The following IGSF10 variants were observed in gnomAD, a reference collection of about 807,000 sequenced individuals.
IGSF10 encodes the protein calvaria mechanical force protein 608.
IGSF10 carries 126 observed loss-of-function variants against 128.2 expected under a neutral mutation model. That is an observed-to-expected ratio of 0.98 (90% CI 0.85 to 1.14). The LOEUF (loss-of-function observed/expected upper bound fraction) is 1.14, where lower values mean the gene tolerates loss of function less well. Ranked by LOEUF, IGSF10 falls within the 50% of genes most tolerant of loss-of-function variation. IGSF10 has a pLI of 0.00. For synonymous variants in IGSF10, 1,185 were observed against 1,146.2 expected (o/e 1.03, Z -0.68); for missense variants, 3,295 against 3,149.8 (o/e 1.05, Z -1.10).
the IGSF10 span, among the ~76,000 whole-genome samples, chr3:151,551,389 G>A: frequency 1.3e-5 from 2 of 152,140 alleles, no homozygotes; most frequent in Middle Eastern, 6.8e-3. Flanking sequence ...CAGCCCTGCA[G>A]AATCTATGTA....
chr3:151,554,853 C>A, the IGSF10 span, among the ~76,000 whole-genome samples: 5 of 152,232 alleles, frequency 3.3e-5, no homozygotes, highest in African/African-American at 1.2e-4. Flanking sequence ...GTGCCATTTT[C>A]ATAGCTTGCA....
At chr3:151,513,373 C>CA in the IGSF10 span, among the ~76,000 whole-genome samples, 2 of 151,976 alleles carry the variant, frequency 1.3e-5, no homozygotes, top group African/African-American at 4.8e-5. Flanking sequence ...ACAAAAACTA[C>CA]ATGATTATCT....
chr3:151,534,713 T>C, the IGSF10 span, among the ~76,000 whole-genome samples: 4 of 151,638 alleles, frequency 2.6e-5, no homozygotes, highest in Non-Finnish European at 5.9e-5. Flanking sequence ...AGATGACGGG[T>C]CAATGGGTAC....
the IGSF10 span, among the ~76,000 whole-genome samples, chr3:151,524,727 C>T: frequency 4.6e-5 from 7 of 152,042 alleles, no homozygotes; most frequent in Non-Finnish European, 8.8e-5. Context: ...CCCTGTGACA[C>T]GACTTTACCT....
the IGSF10 span, among the ~76,000 whole-genome samples, chr3:151,582,507 C>A: frequency 5.9e-5 from 9 of 152,044 alleles, no homozygotes; most frequent in South Asian, 1.9e-3. Flanking sequence ...TAATATATAC[C>A]ATTTTGTGGC....
rs1721300018 is a variant in IGSF10, at chr3:151,447,987, T to C, written c.1994A>G (p.Lys665Arg). The change falls in exon 6 of 8, where the codon AAA becomes AGA. Residue 665 changes from lysine to arginine, a missense_variant. Physicochemically the swap from Lys to Arg is conservative, Grantham distance 26. Coordinates refer to ENST00000282466, the MANE Select transcript of IGSF10 (RefSeq NM_178822.5). ...FLIFQVSVKM[K>R]GQRPLEHDGE... ...ATCATGCTCCAAGGGCCTTTGTCCTTTCATCTTGACTGAAACTTGGAAAAT... is the reference window on the plus strand; with the variant it reads ...ATCATGCTCCAAGGGCCTTTGTCCTCTCATCTTGACTGAAACTTGGAAAAT... 1 of 1,614,142 alleles carries C rather than the reference T, an allele frequency of 6.2e-7. No individual in the cohort carries two copies. The highest frequency in any genetic ancestry group is 8.5e-7 in the Non-Finnish European group (1 of 1,180,026).
chr3:151,495,578 G>T, the IGSF10 span, among the ~76,000 whole-genome samples: 1 of 114,546 alleles, frequency 8.7e-6, no homozygotes, highest in Non-Finnish European at 1.8e-5. Flanking sequence ...AATTTTCACT[G>T]TTTTTTTTAT....
chr3:151,511,530 A>G, the IGSF10 span, among the ~76,000 whole-genome samples: 4 of 152,206 alleles, frequency 2.6e-5, no homozygotes, highest in African/African-American at 4.8e-5. Flanking sequence ...TGTAAAGACC[A>G]TCAAGGCTAG....
chr3:151,498,162 TA>T, the IGSF10 span, among the ~76,000 whole-genome samples: 1 of 152,196 alleles, frequency 6.6e-6, no homozygotes, highest in African/African-American at 2.4e-5. Context: ...GAATACCCTT[TA>T]TTTCCTTCTC....
the IGSF10 span, among the ~76,000 whole-genome samples, chr3:151,545,152 T>G: frequency 1.3e-5 from 2 of 152,234 alleles, no homozygotes. Flanking sequence ...AGTTTTTTTA[T>G]GCTTCTTGCA....
In IGSF10 at chr3:151,436,849, G is replaced by A; in HGVS notation, c.7712C>T (p.Ser2571Leu). ...ATGTGTCCTCTCTTTACTTGCCGTTGAGAGAAGGGAGTGGTCAGGCATCTC... is the reference window on the plus strand; with the variant it reads ...ATGTGTCCTCTCTTTACTTGCCGTTAAGAGAAGGGAGTGGTCAGGCATCTC... ...TWEMPDHSLL[S>L]TASKERTHGS... The change falls in exon 8 of 8, where the codon TCA (serine) becomes TTA (leucine). Residue 2571 changes from serine to leucine, a missense_variant. Physicochemically the swap from Ser to Leu is moderately radical, Grantham distance 145. Coordinates refer to ENST00000282466, the MANE Select transcript of IGSF10 (RefSeq NM_178822.5). The A allele has an allele frequency of 6.2e-7, 1 of 1,614,156 alleles. No individual in the cohort carries two copies. Among genetic ancestry groups the A allele is most frequent in the Non-Finnish European group, 8.5e-7 (1 of 1,180,010 alleles).
At chr3:151,542,017 A>G in the IGSF10 span, among the ~76,000 whole-genome samples, 3 of 151,982 alleles carry the variant, frequency 2.0e-5, no homozygotes, top group Admixed American at 2.0e-4. Context: ...TTCACACCCA[A>G]CTCCCTTCTC....
the IGSF10 span, among the ~76,000 whole-genome samples, chr3:151,537,743 A>T: frequency 6.6e-6 from 1 of 152,144 alleles, no homozygotes; most frequent in African/African-American, 2.4e-5. Flanking sequence ...AATCTCTTCT[A>T]GGATTTTTGT....
chr3:151,443,509 TA>T lies in IGSF10; in HGVS notation c.5437del (p.Tyr1813MetfsTer33), dbSNP rs768788319. On this transcript the variant is annotated frameshift_variant, in exon 7 of 8. Transcript: ENST00000282466. LOFTEE classifies it high-confidence loss of function. ...CACACATTTGTAAAAGCCACGGTCA[TA>T]AATACTGAGATTGTGGAGGACCAAT... ...GTLVLHNLSI[Y>X]DRGFYKCVAS... The T allele has an allele frequency of 6.2e-7, 1 of 1,614,224 alleles. No homozygotes were observed.
chr3:151,432,776 C>G, downstream of IGSF10: 1 of 1,613,286 alleles, frequency 6.2e-7, no homozygotes, highest in Non-Finnish European at 8.5e-7. Context: ...CAAGGAGTGA[C>G]TCCGTATGGG....
chr3:151,484,204 C>T, the IGSF10 span, among the ~76,000 whole-genome samples: 3 of 152,220 alleles, frequency 2.0e-5, no homozygotes, highest in South Asian at 6.2e-4. Context: ...CTGGGCAGAG[C>T]CCACTGCAGC....
At chr3:151,498,086 G>T in the IGSF10 span, among the ~76,000 whole-genome samples, 11 of 152,180 alleles carry the variant, frequency 7.2e-5, no homozygotes, top group East Asian at 3.9e-4. Flanking sequence ...GAGACAATGG[G>T]ATTTCCTAGA....
intron 7 of IGSF10, among the ~76,000 whole-genome samples, chr3:151,438,812 A>G (rs536606538): frequency 4.2e-5 from 6 of 143,076 alleles, no homozygotes; most frequent in Non-Finnish European, 4.5e-5. Context: ...ATATATATAT[A>G]TACATTTTGA....
the IGSF10 span, among the ~76,000 whole-genome samples, chr3:151,545,559 G>A: frequency 6.6e-6 from 1 of 152,220 alleles, no homozygotes; most frequent in Non-Finnish European, 1.5e-5. Flanking sequence ...AAGTCCTGAA[G>A]TTCTCTAAGT....
Sources: allele counts gnomAD v4.1 joint callset (sites outside exome capture counted in the v4.1 genomes callset), GRCh38; gene constraint gnomAD v4.1.1; transcripts MANE v1.5; gene names NCBI Gene and HGNC (gene_info 2026-07-23, HGNC 2026-07-21).